ZNF469: variants seen among roughly 807,000 people sequenced by gnomAD.
ZNF469 encodes the protein zinc finger protein 469.
ZNF469 carries 1 observed loss-of-function variant against 1.0 expected under a neutral mutation model. The ratio of observed to expected loss-of-function variants is 1.00; its 90% CI spans 0.35 to 4.73. ZNF469 has a LOEUF of 4.73. Among genes scored for constraint, ZNF469 ranks in the 30% most tolerant of loss-of-function variants. The pLI, the probability that ZNF469 is intolerant of heterozygous loss-of-function variation, is 0.16. For missense variants in ZNF469, 6,100 were observed against 5,356.3 expected (o/e 1.14, Z -4.33); for synonymous variants, 2,703 against 2,363.4 (o/e 1.14, Z -4.17).
At chr16:88,336,654 C>G in the ZNF469 span, among the ~76,000 whole-genome samples, 1 of 152,232 alleles carries the variant, frequency 6.6e-6, no homozygotes. Context: ...ATATGTCCAT[C>G]CTTCACGTGA....
the ZNF469 span, among the ~76,000 whole-genome samples, chr16:88,360,652 G>A: frequency 0.33 from 14,948 of 45,766 alleles, 3,476 homozygotes; most frequent in East Asian, 0.63. Context: ...CAGCGCCCGC[G>A]TGCTCCCTCA....
the ZNF469 span, among the ~76,000 whole-genome samples, chr16:88,314,937 G>A: frequency 6.7e-6 from 1 of 149,074 alleles, no homozygotes; most frequent in East Asian, 2.1e-4. Context: ...GGTGTGGACT[G>A]TCATCTCTGT....
chr16:88,264,272 C>G, the ZNF469 span, among the ~76,000 whole-genome samples: 2 of 152,050 alleles, frequency 1.3e-5, no homozygotes, highest in African/African-American at 4.8e-5. Flanking sequence ...CGCCCCGTGG[C>G]TCCTGCCCTG....
At chr16:88,138,232 T>C in the ZNF469 span, among the ~76,000 whole-genome samples, 1 of 152,240 alleles carries the variant, frequency 6.6e-6, no homozygotes, top group African/African-American at 2.4e-5. Context: ...GAATCATTAC[T>C]CACTGGCAAG....
At chr16:88,329,651 G>A in the ZNF469 span, among the ~76,000 whole-genome samples, 2 of 152,252 alleles carry the variant, frequency 1.3e-5, no homozygotes, top group Admixed American at 1.3e-4. Flanking sequence ...AGACTGGGAA[G>A]TTGGTCACAC....
At chr16:88,378,088 C>G (rs1183957297), upstream of ZNF469, among the ~76,000 whole-genome samples, 3 of 152,124 alleles carry the variant, frequency 2.0e-5, no homozygotes, top group Non-Finnish European at 4.4e-5. Context: ...AAGATCCCCC[C>G]AGTTCACCGC....
intron 1 of ZNF469, among the ~76,000 whole-genome samples, chr16:88,422,875 AATGG>A (rs1360418465): frequency 5.3e-5 from 4 of 75,138 alleles, no homozygotes; most frequent in Non-Finnish European, 8.1e-5. Context: ...TGGATGAGTG[AATGG>A]ATGGATGGAT....
At chr16:88,267,553 C>T in the ZNF469 span, among the ~76,000 whole-genome samples, 4 of 152,204 alleles carry the variant, frequency 2.6e-5, no homozygotes, top group Non-Finnish European at 5.9e-5. Flanking sequence ...CTACTTTTCC[C>T]GGCTGAGCTG....
chr16:88,223,653 G>T, the ZNF469 span, among the ~76,000 whole-genome samples: 9 of 152,308 alleles, frequency 5.9e-5, no homozygotes, highest in South Asian at 1.7e-3. Context: ...TGCCTGGTGC[G>T]TGGGGCGTCC....
chr16:88,216,386 T>C, the ZNF469 span, among the ~76,000 whole-genome samples: 5 of 150,958 alleles, frequency 3.3e-5, no homozygotes, highest in African/African-American at 1.2e-4. Context: ...CCCAGCTACT[T>C]GGGAGGCTGA....
Position 88,431,879 on chromosome 16 carries a change from G to T in ZNF469, c.4409G>T (p.Gly1470Val). Residue 1470 changes from glycine (G) to valine (V), a missense_variant, in exon 3 of 3, where the codon GGC becomes GTC. Transcript: ENST00000565624. ...GACAGATTCGACCCACCCCTCTATGGCAGCCTGTCTGCGAACAGGGACTCC... is the reference window on the plus strand; with the variant it reads ...GACAGATTCGACCCACCCCTCTATGTCAGCCTGTCTGCGAACAGGGACTCC... ...PVDRFDPPLY[G>V]SLSANRDSGL... 6.5e-7 allele frequency: 1 copy of T among 1,549,968 alleles called. No homozygotes were observed. The highest frequency in any genetic ancestry group is 8.7e-7 in the Non-Finnish European group (1 of 1,146,852).
chr16:88,248,133 T>A, the ZNF469 span, among the ~76,000 whole-genome samples: 1 of 152,008 alleles, frequency 6.6e-6, no homozygotes. Flanking sequence ...TGGGGGCTTG[T>A]GAACCAACCA....
chr16:88,189,868 G>A, the ZNF469 span, among the ~76,000 whole-genome samples: 5 of 152,196 alleles, frequency 3.3e-5, no homozygotes, highest in African/African-American at 4.8e-5. This position sits in a 1 kb window ranked among gnomAD's most constrained non-coding sequence, Gnocchi z 4.3. Context: ...GCAGTGAGCC[G>A]AGATTGCACC....
the ZNF469 span, among the ~76,000 whole-genome samples, chr16:88,232,449 C>T: frequency 7.2e-5 from 11 of 152,068 alleles, no homozygotes; most frequent in East Asian, 3.9e-4. Context: ...CTGGGACTTT[C>T]GGGGGTGTCC....
In ZNF469 at chr16:88,432,441, G is replaced by A. The variant is rs769603060; in HGVS notation, c.4971G>A (p.Thr1657=). The change falls in exon 3 of 3, where the codon ACG becomes ACA. Residue 1657 remains threonine (T), a synonymous_variant. Coordinates refer to ENST00000565624, the MANE Select transcript of ZNF469 (RefSeq NM_001367624.2). ...CGGTTCAGGGGAGGCCTGGGGGGACGTGGCCCTGCCCAGCCTCCTTCCATC... is the reference window on the plus strand; with the variant it reads ...CGGTTCAGGGGAGGCCTGGGGGGACATGGCCCTGCCCAGCCTCCTTCCATC... The part of the protein sequence containing the change: ...VEAVQGRPGG[T]WPCPASFHPG... The A allele has an allele frequency of 1.7e-5, 27 of 1,550,066 alleles. No homozygotes were observed. The highest frequency in any genetic ancestry group is 6.8e-5 in the African/African-American group (5 of 73,060).
At chr16:88,179,342 G>A in the ZNF469 span, among the ~76,000 whole-genome samples, 4 of 152,286 alleles carry the variant, frequency 2.6e-5, no homozygotes, top group East Asian at 1.9e-4. Context: ...TTAAAAGAGC[G>A]TGGCCCCTCC....
chr16:88,365,391 T>A, the ZNF469 span, among the ~76,000 whole-genome samples: 1 of 152,220 alleles, frequency 6.6e-6, no homozygotes, highest in Non-Finnish European at 1.5e-5. Flanking sequence ...GCTGCTGGGA[T>A]GGACATGGGA....
chr16:88,187,920 C>G, the ZNF469 span, among the ~76,000 whole-genome samples: 1 of 152,064 alleles, frequency 6.6e-6, no homozygotes, highest in Non-Finnish European at 1.5e-5. Context: ...AGCAGGGTCT[C>G]AGGAAAGGGG....
the ZNF469 span, among the ~76,000 whole-genome samples, chr16:88,117,812 G>T: frequency 5.3e-5 from 8 of 152,256 alleles, no homozygotes; most frequent in Non-Finnish European, 8.8e-5. Flanking sequence ...CGGAGTGACT[G>T]TGAGGGAAGC....
Sources: gnomAD v4.1 joint callset for allele counts (sites outside exome capture counted in the v4.1 genomes callset) on GRCh38, gnomAD v4.1.1 for gene constraint, Gnocchi (gnomAD v3.1) non-coding constraint, MANE v1.5 for transcripts, NCBI Gene and HGNC (gene_info 2026-07-23, HGNC 2026-07-21) for gene names.